CHKB: variants seen among roughly 807,000 people sequenced by gnomAD.
The protein encoded by CHKB is choline/ethanolamine kinase.
In CHKB, 45 loss-of-function variants were observed where a neutral mutation model predicts 57.3. That is an observed-to-expected ratio of 0.79 (90% CI 0.62 to 1.01). The LOEUF (loss-of-function observed/expected upper bound fraction) is 1.01, where lower values mean the gene tolerates loss of function less well. Among genes scored for constraint, CHKB ranks in the 50% least tolerant of loss-of-function variants. The probability of loss-of-function intolerance (pLI) is 0.00; values close to 1 mark genes in which losing one functional copy is unlikely to be tolerated. For missense variants in CHKB, 517 were observed against 502.8 expected (o/e 1.03, Z -0.27); for synonymous variants, 224 against 201.8 (o/e 1.11, Z -0.93).
rs1404591629 is a variant in CHKB, at chr22:50,579,222, G to C, written c.1147C>G (p.Gln383Glu). The C allele has an allele frequency of 6.2e-7, 1 of 1,613,794 alleles. No homozygotes were observed. Among genetic ancestry groups the C allele is most frequent in the African/African-American group, 1.3e-5 (1 of 74,896 alleles). Residue 383 changes from glutamine to glutamate, a missense_variant, in exon 11 of 11, where the codon CAG becomes GAG. Gln to Glu is a conservative substitution (Grantham distance 29, BLOSUM62 2). Transcript: ENST00000406938. ...YAQSRFQFYF[Q>E]QKGQLTSVHS... Reference sequence around the variant, plus strand: ...ACACTGGTCAGCTGCCCCTTCTGCTGGAAGTAGAACTGGAACCGAGACTGG... The same window carrying C: ...ACACTGGTCAGCTGCCCCTTCTGCTCGAAGTAGAACTGGAACCGAGACTGG...
At chr22:50,580,492 C>G (rs2070666848) in intron 5 of CHKB, 73 bp downstream of exon 5, 2 of 1,609,022 alleles carry the variant, frequency 1.2e-6, no homozygotes, top group Admixed American at 1.7e-5. Context: ...CAGGCCAGGC[C>G]CTGACACCAG....
chr22:50,580,751 T>A, intron 4 of CHKB, 91 bp from the exon 5 acceptor site: 1 of 1,075,592 alleles, frequency 9.3e-7, no homozygotes, highest in Non-Finnish European at 1.4e-6. Flanking sequence ...GCACCCCTGC[T>A]CCTATCACTG....
In CHKB at chr22:50,581,745, G is replaced by A. The variant is rs375161469; in HGVS notation, c.447+4C>T. ...GGGAGGAGAGGGTAGGACTGGGCCC[G>A]TACTGGGATGTACTGTTCCAGCCGG... On this transcript the variant is annotated splice_donor_region_variant and intron_variant, in intron 3 of 10. Transcript: ENST00000406938. 1.1e-5 allele frequency: 18 copies of A among 1,612,932 alleles called. No homozygotes were observed. In the African/African-American group the frequency reaches 1.6e-4, roughly 14 times the overall value.
rs1324291839 is a variant in CHKB, at chr22:50,578,966, G to C, written c.*215C>G. ...GCTCAGCAGGGCCAGGACAGGGTGG[G>C]AAGAAGAAGCTTGTTTATTGTGTTA... On this transcript the variant is annotated 3_prime_UTR_variant, in exon 11 of 11. Coordinates refer to ENST00000406938, the MANE Select transcript of CHKB (RefSeq NM_005198.5). 1.6e-6 allele frequency: 1 copy of C among 610,100 alleles called. No individual in the cohort carries two copies. The highest frequency in any genetic ancestry group is 3.0e-6 in the Non-Finnish European group (1 of 337,972). 37.8% of individuals were successfully genotyped at this position (610,100 alleles called of 1,614,324 possible).
chr22:50,580,340 T>A lies in CHKB; in HGVS notation c.736+18A>T, dbSNP rs577904303. The A allele has an allele frequency of 5.6e-6, 9 of 1,613,912 alleles. No individual in the cohort carries two copies. The South Asian group carries it at 9.9e-5, about 18-fold the overall frequency. On this transcript the variant is annotated intron_variant, in intron 6 of 10. Transcript: ENST00000406938. ...GCTCTTCCATCTTGGGTTAGGAGACTCAGATGCCTTCTCCTACCTTCCTGG... is the reference window on the plus strand; with the variant it reads ...GCTCTTCCATCTTGGGTTAGGAGACACAGATGCCTTCTCCTACCTTCCTGG...
intron 9 of CHKB, 101 bp downstream of exon 9, chr22:50,579,626 A>G: frequency 6.7e-7 from 1 of 1,487,252 alleles, no homozygotes; most frequent in Non-Finnish European, 9.4e-7. Context: ...TCCTAACTCC[A>G]CTCTCCACAG....
rs2070724453 is a variant in CHKB at position 50,582,659 on chromosome 22, C to T, written c.123G>A (p.Leu41=). The T allele has an allele frequency of 3.7e-6, 6 of 1,609,504 alleles. No homozygotes were observed. The highest frequency in any genetic ancestry group is 4.2e-6 in the Non-Finnish European group (5 of 1,178,900). Reference sequence around the variant, plus strand: ...AGGCTCGGCGCTCGGCGTCACGCGACAGCGACGAGGCGCGCCGCCGTTTTG... The same window carrying T: ...AGGCTCGGCGCTCGGCGTCACGCGATAGCGACGAGGCGCGCCGCCGTTTTG... ...TTPKRRRASS[L]SRDAERRAYQ... The change falls in exon 1 of 11, where the codon CTG becomes CTA. Residue 41 remains leucine (L), a synonymous_variant. Coordinates refer to ENST00000406938, the MANE Select transcript of CHKB (RefSeq NM_005198.5).
At chr22:50,579,666 C>G in intron 9 of CHKB, 61 bp downstream of exon 9, 2 of 1,524,020 alleles carry the variant, frequency 1.3e-6, no homozygotes, top group Middle Eastern at 1.7e-4. Context: ...ATAAATCTGC[C>G]TCTTCCCCAA....
chr22:50,582,554 C>G lies in CHKB; in HGVS notation c.224+4G>C, dbSNP rs750271570. 8 of 1,606,100 alleles carry G rather than the reference C, an allele frequency of 5.0e-6. No individual in the cohort carries two copies. Among genetic ancestry groups the G allele is most frequent in the Non-Finnish European group, 6.8e-6 (8 of 1,177,010 alleles). On this transcript the variant is annotated splice_donor_region_variant and intron_variant, in intron 1 of 10. Coordinates refer to ENST00000406938, the MANE Select transcript of CHKB (RefSeq NM_005198.5). ...ACCGGAGAGGCTGACCCCTGACCTC[C>G]CACCTCACGGGGTAAACCCTCAGCT...
intron 4 of CHKB, 148 bp from the exon 5 acceptor site, chr22:50,580,808 C>G (rs2070676847): frequency 4.0e-6 from 3 of 759,272 alleles, no homozygotes; most frequent in Non-Finnish European, 6.7e-6. Context: ...GAAATGGAGT[C>G]TTGCTCTGTC....
In CHKB at chr22:50,581,297, T is replaced by C. The variant is rs995968364; in HGVS notation, c.581+123A>G. On this transcript the variant is annotated intron_variant, in intron 4 of 10. Coordinates refer to ENST00000406938, the MANE Select transcript of CHKB (RefSeq NM_005198.5). ...CCTCTGGCAAGCATTTAAAAGCCTGTTCTGTGACAGCCCATGACATCAGAT... is the reference window on the plus strand; with the variant it reads ...CCTCTGGCAAGCATTTAAAAGCCTGCTCTGTGACAGCCCATGACATCAGAT... 7 of 1,315,142 alleles carry C rather than the reference T, an allele frequency of 5.3e-6. No homozygotes were observed. In the African/African-American group the frequency reaches 8.8e-5, roughly 17 times the overall value. The allele number at this position is 1,315,142 out of a possible 1,614,324, so 81.5% of individuals were successfully genotyped here. A position where few individuals can be genotyped will look rare whatever the true frequency, so the allele number is the denominator to read the frequency against.
Position 50,581,570 on chromosome 22 carries a change from A to C in CHKB, c.448-17T>G. ...TGGCCGACTCTGCACCCAGGAAGCT[A>C]TCAGGGTGGTGATGGGGCTGGGGCA... On this transcript the variant is annotated splice_polypyrimidine_tract_variant and intron_variant, in intron 3 of 10. Coordinates refer to ENST00000406938, the MANE Select transcript of CHKB (RefSeq NM_005198.5). 2 of 1,613,806 alleles carry C rather than the reference A, an allele frequency of 1.2e-6. No homozygotes were observed. Among genetic ancestry groups the C allele is most frequent in the African/African-American group, 1.3e-5 (1 of 75,022 alleles).
intron 2 of CHKB, 56 bp from the exon 3 acceptor site, chr22:50,581,918 G>T: frequency 6.8e-7 from 1 of 1,475,614 alleles, no homozygotes; most frequent in Non-Finnish European, 9.5e-7. Flanking sequence ...GGACACACAT[G>T]AGGGCTCGCC....
At position 50,580,222 on chromosome 22, in the gene CHKB, C is replaced by T; in HGVS notation, c.786G>A (p.Leu262=). ...SEPENADSLM[L]VDFEYSSYNY... ...TATAACTGCTGTACTCGAAGTCCAC[C>T]AGCATGAGGCTGTCAGCATTTTCTG... Residue 262 remains leucine, a synonymous_variant, in exon 7 of 11, where the codon CTG becomes CTA. Coordinates refer to ENST00000406938, the MANE Select transcript of CHKB (RefSeq NM_005198.5). The T allele has an allele frequency of 6.2e-7, 1 of 1,613,896 alleles. No homozygotes were observed. The highest frequency in any genetic ancestry group is 1.7e-5 in the Admixed American group (1 of 60,012).
rs1389691537 is a variant in CHKB at position 50,582,844 on chromosome 22, C to T, written c.-63G>A. The T allele has an allele frequency of 1.9e-5, 24 of 1,279,336 alleles. No homozygotes were observed. The highest frequency in any genetic ancestry group is 1.2e-4 in the Admixed American group (4 of 32,506). The allele number at this position is 1,279,336 out of a possible 1,614,324, so 79.2% of individuals were successfully genotyped here. On this transcript the variant is annotated 5_prime_UTR_variant, in exon 1 of 11. Transcript: ENST00000406938. ...CCGCTCCCTTCGGACGGGCTCGGTT[C>T]CTTCCGGCCGCGCTCGGCTCCTCTT...
At chr22:50,579,865 G>C (rs376480861) in intron 8 of CHKB, 35 bp from the exon 9 acceptor site, 5 of 1,600,006 alleles carry the variant, frequency 3.1e-6, no homozygotes, top group Non-Finnish European at 4.3e-6. Context: ...GAATTGGGGA[G>C]ACTGTGGAGT....
intron 4 of CHKB, 119 bp downstream of exon 4, chr22:50,581,301 G>T: frequency 7.5e-7 from 1 of 1,341,792 alleles, no homozygotes; most frequent in Non-Finnish European, 1.0e-6. Flanking sequence ...AGCCTGTTCT[G>T]TGACAGCCCA....
intron 4 of CHKB, 78 bp downstream of exon 4, chr22:50,581,342 G>A: frequency 6.3e-7 from 1 of 1,576,238 alleles, no homozygotes. Flanking sequence ...TGGAGGGCTG[G>A]ATAGAGCCCC....
rs1410791131 is a variant in CHKB, at chr22:50,579,182, C to A, written c.1187G>T (p.Ter396LeuextTer64). 1.2e-6 allele frequency: 2 copies of A among 1,613,370 alleles called. No homozygotes were observed. Among genetic ancestry groups the A allele is most frequent in the Non-Finnish European group, 1.7e-6 (2 of 1,179,652 alleles). ...GQLTSVHSSS* is the reference protein window; with the variant it reads ...GQLTSVHSSSL ...AATCCAAGGAGTGGGAGGGTGGAGTCAGGATGAGGAGTGGACACTGGTCAG... is the reference window on the plus strand; with the variant it reads ...AATCCAAGGAGTGGGAGGGTGGAGTAAGGATGAGGAGTGGACACTGGTCAG... Residue 396 changes from the stop codon to leucine (L), a stop_lost, in exon 11 of 11, where the codon TGA becomes TTA. Transcript: ENST00000406938.
Sources: gnomAD v4.1 joint callset for allele counts on GRCh38, gnomAD v4.1.1 for gene constraint, MANE v1.5 for transcripts, NCBI Gene and HGNC (gene_info 2026-07-23, HGNC 2026-07-21) for gene names.